Variants in WDR93 observed in about 807,000 individuals in gnomAD.
WDR93 encodes WD repeat-containing protein 93.
A neutral mutation model predicts 82.9 loss-of-function variants in WDR93; 73 were observed. That is an observed-to-expected ratio of 0.88 (90% confidence interval 0.73 to 1.07). The LOEUF (loss-of-function observed/expected upper bound fraction) is 1.07, where lower values mean the gene tolerates loss of function less well. Ranked by LOEUF, WDR93 falls within the 50% of genes least tolerant of loss-of-function variation. The probability of loss-of-function intolerance (pLI) is 0.00; values close to 1 mark genes in which losing one functional copy is unlikely to be tolerated. For synonymous variants in WDR93, 283 were observed against 300.1 expected (o/e 0.94, Z 0.59); for missense variants, 738 against 826.0 (o/e 0.89, Z 1.31).
chr15:89,697,123 G>GT (rs1221158542), intron 1 of WDR93, among the ~76,000 whole-genome samples: 4 of 151,918 alleles, frequency 2.6e-5, no homozygotes, highest in African/African-American at 9.7e-5. Context: ...CACCCCAGTG[G>GT]TTTTTTAAAA....
chr15:89,727,491 C>T (rs1966785274), intron 9 of WDR93, among the ~76,000 whole-genome samples, 163 bp downstream of exon 9: 1 of 152,198 alleles, frequency 6.6e-6, no homozygotes, highest in East Asian at 1.9e-4. Flanking sequence ...TTTGGGAGGC[C>T]GAGGCAGGAG....
chr15:89,701,793 T>C lies in WDR93; in HGVS notation c.47T>C (p.Ile16Thr), dbSNP rs373758152. The part of the protein sequence containing the change: ...GSQTQKIKHP[I>T]GTRKGPLEVP... ...CAGACCCAGAAAATAAAGCACCCCA[T>C]TGGTACACGAAAGGGACCATTGGAG... The change falls in exon 2 of 17, where the codon ATT becomes ACT. Residue 16 changes from isoleucine (I) to threonine (T), a missense_variant. By Grantham distance (89) the Ile-to-Thr change is moderately conservative. Coordinates refer to ENST00000268130, the MANE Select transcript of WDR93 (RefSeq NM_020212.2). The C allele has an allele frequency of 1.4e-5, 22 of 1,614,032 alleles. 1 individual carries two copies. Among genetic ancestry groups the C allele is most frequent in the East Asian group, 4.5e-5 (2 of 44,870 alleles).
intron 3 of WDR93, chr15:89,703,774 T>A (rs376939114): frequency 6.5e-6 from 1 of 153,428 alleles, no homozygotes; most frequent in African/African-American, 2.4e-5. Flanking sequence ...CTGTGTCATA[T>A]TGTGGCAGGC....
At chr15:89,738,007 T>A in intron 15 of WDR93, 34 bp from the exon 16 acceptor site, 1 of 1,570,222 alleles carries the variant, frequency 6.4e-7, no homozygotes, top group African/African-American at 1.4e-5. Flanking sequence ...AAAGCGATTG[T>A]TACACAGAAC....
chr15:89,718,995 GA>G (rs1966393644), intron 7 of WDR93, among the ~76,000 whole-genome samples: 1 of 152,132 alleles, frequency 6.6e-6, no homozygotes, highest in African/African-American at 2.4e-5. Flanking sequence ...TTGTTTCATG[GA>G]ATTTTTTTTC....
At chr15:89,697,073 A>G (rs11856315) in intron 1 of WDR93, among the ~76,000 whole-genome samples, 66,444 of 151,856 alleles carry the variant, frequency 0.44, 15,020 homozygotes, top group African/African-American at 0.5. Context: ...GGCTCAAGCA[A>G]TCCTCCTACC....
chr15:89,737,872 C>G, intron 15 of WDR93, 143 bp downstream of exon 15: 1 of 1,360,478 alleles, frequency 7.4e-7, no homozygotes, highest in Non-Finnish European at 1.0e-6. Flanking sequence ...TCAGTCCTCA[C>G]AGGGCACTTA....
chr15:89,722,152 C>T lies in WDR93; in HGVS notation c.880+13C>T. ...AAGCCTGTTACAGGTAAGTGTGATTCAAATCTCTCTCCTTTTGCCATTGAT... is the reference window on the plus strand; with the variant it reads ...AAGCCTGTTACAGGTAAGTGTGATTTAAATCTCTCTCCTTTTGCCATTGAT... On this transcript the variant is annotated intron_variant, in intron 8 of 16. Transcript: ENST00000268130. 1 of 1,552,556 alleles carries T rather than the reference C, an allele frequency of 6.4e-7. No homozygotes were observed. Among genetic ancestry groups the T allele is most frequent in the Non-Finnish European group, 8.8e-7 (1 of 1,137,970 alleles).
In WDR93 at chr15:89,733,181, C is replaced by G. The variant is rs764462390; in HGVS notation, c.1506C>G (p.Ser502Arg). The change falls in exon 13 of 17, where the codon AGC becomes AGG. Residue 502 changes from serine (S) to arginine (R), a missense_variant. Physicochemically the swap from Ser to Arg is moderately radical, Grantham distance 110. Coordinates refer to ENST00000268130, the MANE Select transcript of WDR93 (RefSeq NM_020212.2). The part of the protein sequence containing the change: ...TDASLHLVEA[S>R]GTQGPTISVL... The stretch of plus-strand genomic sequence containing the variant: ...CCTCCCTCCATCTGGTGGAGGCTAG[C>G]GGGACCCAAGGACCCACCATCAGTG... 9 of 1,613,992 alleles carry G rather than the reference C, an allele frequency of 5.6e-6. No individual in the cohort carries two copies. In the South Asian group the frequency reaches 8.8e-5, roughly 16 times the overall value.
intron 7 of WDR93, among the ~76,000 whole-genome samples, chr15:89,719,247 T>A (rs1351242804): frequency 3.3e-5 from 5 of 152,186 alleles, no homozygotes; most frequent in Non-Finnish European, 7.3e-5. Context: ...GCTGCTATGC[T>A]TGTCTAATTT....
intron 13 of WDR93, among the ~76,000 whole-genome samples, chr15:89,734,227 G>C (rs1046328825): frequency 5.3e-5 from 8 of 152,122 alleles, no homozygotes. Context: ...AAAATAGTCA[G>C]TGTTTAGTCC....
chr15:89,720,402 A>G (rs1265647493), intron 7 of WDR93, among the ~76,000 whole-genome samples: 1 of 152,036 alleles, frequency 6.6e-6, no homozygotes, highest in Non-Finnish European at 1.5e-5. Context: ...CCTCCCAAGT[A>G]GCTGGGATTA....
At chr15:89,730,911 C>T (rs7168308) in intron 11 of WDR93, among the ~76,000 whole-genome samples, 84,544 of 151,980 alleles carry the variant, frequency 0.56, 24,263 homozygotes, top group African/African-American at 0.61. Flanking sequence ...TGGAAGCAGT[C>T]ACATGAGCAA....
chr15:89,705,267 A>C, intron 3 of WDR93: 1 of 406,380 alleles, frequency 2.5e-6, no homozygotes, highest in Non-Finnish European at 4.5e-6. Flanking sequence ...GCAGATAGGA[A>C]TCAACCAGTG....
At chr15:89,729,841 G>A in intron 11 of WDR93, 72 bp downstream of exon 11, 2 of 1,278,390 alleles carry the variant, frequency 1.6e-6, no homozygotes, top group South Asian at 1.2e-5. Flanking sequence ...GCTTAGCTAA[G>A]AGCATGTGAC....
chr15:89,737,082 C>T lies in WDR93; in HGVS notation c.1609-491C>T, dbSNP rs147363965. Reference sequence around the variant, plus strand: ...CTGGGATTACAGGCATGAGCCATCGCGCCCGGCCAAAGGGGACTTTCTAAG... The same window carrying T: ...CTGGGATTACAGGCATGAGCCATCGTGCCCGGCCAAAGGGGACTTTCTAAG... On this transcript the variant is annotated intron_variant, in intron 14 of 16. Transcript: ENST00000268130. Among the ~76,000 whole-genome samples, 74 of 152,290 alleles carry T rather than the reference C, an allele frequency of 4.9e-4. No individual in the cohort carries two copies. The East Asian group carries it at 0.012, about 24-fold the overall frequency.
intron 7 of WDR93, among the ~76,000 whole-genome samples, chr15:89,718,795 A>C (rs1966380219): frequency 6.6e-6 from 1 of 152,116 alleles, no homozygotes; most frequent in African/African-American, 2.4e-5. Context: ...TTGTATTTTT[A>C]GTAGAGACAG....
chr15:89,724,809 A>G (rs1397064589), intron 8 of WDR93, among the ~76,000 whole-genome samples: 1 of 152,236 alleles, frequency 6.6e-6, no homozygotes, highest in African/African-American at 2.4e-5. Flanking sequence ...GACTGACCAC[A>G]CCAAGTGATG....
rs565193385 is a variant in WDR93, at chr15:89,743,556, G to A, written c.*165G>A. ...AGCAAGGGGAAAAGTATAATCTGGGGGACCTTCAACCACTAAGCCTCTTGT... is the reference window on the plus strand; with the variant it reads ...AGCAAGGGGAAAAGTATAATCTGGGAGACCTTCAACCACTAAGCCTCTTGT... On this transcript the variant is annotated 3_prime_UTR_variant, in exon 17 of 17. Transcript: ENST00000268130. The A allele has an allele frequency of 3.1e-6, 2 of 638,026 alleles. No homozygotes were observed. The highest frequency in any genetic ancestry group is 3.7e-5 in the African/African-American group (2 of 54,692). 39.5% of individuals were successfully genotyped at this position (638,026 alleles called of 1,614,324 possible).
Sources: gnomAD v4.1 joint callset for allele counts (sites outside exome capture counted in the v4.1 genomes callset) on GRCh38, gnomAD v4.1.1 for gene constraint, MANE v1.5 for transcripts, NCBI Gene and HGNC (gene_info 2026-07-23, HGNC 2026-07-21) for gene names.